The following SOAT1 variants were observed in gnomAD, a reference collection of about 807,000 sequenced individuals.
SOAT1 encodes sterol O-acyltransferase 1, also known as acyl-coenzyme A:cholesterol acyltransferase 1.
Under a neutral mutation model 69.5 loss-of-function variants are expected in SOAT1, and 55 were observed. That is an observed-to-expected ratio of 0.79 (90% CI 0.64 to 0.99). The LOEUF (loss-of-function observed/expected upper bound fraction) is 0.99, where lower values mean the gene tolerates loss of function less well. SOAT1 is among the 50% of genes least tolerant of loss of function. The probability of loss-of-function intolerance (pLI) is 0.00; values close to 1 mark genes in which losing one functional copy is unlikely to be tolerated. For missense variants in SOAT1, 580 were observed against 669.3 expected (o/e 0.87, Z 1.47); for synonymous variants, 231 against 224.7 (o/e 1.03, Z -0.25).
At chr1:179,342,754 A>G (rs1377724054) in intron 8 of SOAT1, 108 bp from the exon 9 acceptor site, 6 of 730,580 alleles carry the variant, frequency 8.2e-6, no homozygotes, top group South Asian at 1.8e-5. Flanking sequence ...ACATGAGCTG[A>G]TAAGTCATTT....
chr1:179,318,782 A>G (rs1227902974), intron 2 of SOAT1, among the ~76,000 whole-genome samples: 1 of 152,132 alleles, frequency 6.6e-6, no homozygotes, highest in Non-Finnish European at 1.5e-5. Flanking sequence ...ATATTATAGC[A>G]TGTATTAATA....
intron 12 of SOAT1, among the ~76,000 whole-genome samples, chr1:179,348,243 T>A (rs1000620361): frequency 6.6e-6 from 1 of 152,170 alleles, no homozygotes; most frequent in African/African-American, 2.4e-5. Flanking sequence ...TCTCTTTGAG[T>A]TGTTTTTGGC....
chr1:179,342,229 C>G (rs747251115), intron 8 of SOAT1, 37 bp downstream of exon 8: 2 of 1,348,948 alleles, frequency 1.5e-6, no homozygotes, highest in African/African-American at 2.9e-5. Context: ...TCTTCCTCCC[C>G]TCCCCTCCTC....
chr1:179,332,055 T>C (rs748401058), intron 3 of SOAT1, among the ~76,000 whole-genome samples: 1 of 152,186 alleles, frequency 6.6e-6, no homozygotes, highest in Non-Finnish European at 1.5e-5. Context: ...GTTTACTTTG[T>C]TTTTTTCTTT....
chr1:179,321,325 C>A (rs1010362017), intron 2 of SOAT1, among the ~76,000 whole-genome samples: 2 of 151,980 alleles, frequency 1.3e-5, no homozygotes, highest in African/African-American at 2.4e-5. Context: ...TTCTTTTGAA[C>A]CATTGTATTT....
rs143261487 is a variant in SOAT1 at position 179,335,605 on chromosome 1, G to T, written c.277G>T (p.Ala93Ser). 2.5e-6 allele frequency: 4 copies of T among 1,613,824 alleles called. No homozygotes were observed. Among genetic ancestry groups the T allele is most frequent in the Non-Finnish European group, 3.4e-6 (4 of 1,179,822 alleles). The change falls in exon 4 of 16, where the codon GCT becomes TCT. Residue 93 changes from alanine (A) to serine (S), a missense_variant. By Grantham distance (99) the Ala-to-Ser change is moderately conservative. Transcript: ENST00000367619. Reference sequence around the variant, plus strand: ...AGCATCATTAGATAATGGTGGGTGCGCTCTCACAACCTTTTCTGTTCTTGA... The same window carrying T: ...AGCATCATTAGATAATGGTGGGTGCTCTCTCACAACCTTTTCTGTTCTTGA... ...KSASLDNGGC[A>S]LTTFSVLEGE...
chr1:179,310,968 C>CT (rs940154338), intron 2 of SOAT1, among the ~76,000 whole-genome samples: 1 of 151,986 alleles, frequency 6.6e-6, no homozygotes, highest in Non-Finnish European at 1.5e-5. Flanking sequence ...TGCTGCATGA[C>CT]TAGGGGTCAG....
At chr1:179,325,204 C>T (rs1665742566) in intron 3 of SOAT1, among the ~76,000 whole-genome samples, 1 of 138,530 alleles carries the variant, frequency 7.2e-6, no homozygotes, top group East Asian at 2.2e-4. Context: ...GGCTGGAGTG[C>T]AGTGGCGCGA....
Position 179,343,631 on chromosome 1 carries a change from C to T in SOAT1, c.983C>T (p.Ala328Val). 1.2e-6 allele frequency: 2 copies of T among 1,610,074 alleles called. No individual in the cohort carries two copies. The highest frequency in any genetic ancestry group is 1.7e-6 in the Non-Finnish European group (2 of 1,177,306). ...VRWGYVAMKF[A>V]QVFGCFFYVY... ...TGGGGTTATGTCGCTATGAAGTTTG[C>T]ACAGGTAAGTTTTTGTAACTGCCTA... The change falls in exon 10 of 16, where the codon GCA (alanine) becomes GTA (valine). Residue 328 changes from alanine (A) to valine (V), a missense_variant. Ala to Val is a moderately conservative substitution (Grantham distance 64). Transcript: ENST00000367619.
chr1:179,340,738 A>G (rs1388637400), intron 6 of SOAT1, among the ~76,000 whole-genome samples: 3 of 151,946 alleles, frequency 2.0e-5, no homozygotes, highest in East Asian at 1.9e-4. Context: ...TCAAAGTCCA[A>G]TTATCTTAGA....
chr1:179,319,871 C>T (rs1372914072), intron 2 of SOAT1, among the ~76,000 whole-genome samples: 2 of 152,140 alleles, frequency 1.3e-5, no homozygotes, highest in African/African-American at 4.8e-5. Flanking sequence ...CCACCTTGGC[C>T]TCCCAAAGTG....
At chr1:179,332,544 C>T (rs1666005448) in intron 3 of SOAT1, among the ~76,000 whole-genome samples, 1 of 152,102 alleles carries the variant, frequency 6.6e-6, no homozygotes, top group Non-Finnish European at 1.5e-5. Context: ...TTAACTGCCT[C>T]CTCCCTTCTG....
rs1666211731 is a variant in SOAT1 at position 179,337,876 on chromosome 1, T to A, written c.369T>A (p.Ile123=). 1 of 1,610,100 alleles carries A rather than the reference T, an allele frequency of 6.2e-7. No homozygotes were observed. The highest frequency in any genetic ancestry group is 1.7e-5 in the Admixed American group (1 of 59,562). Residue 123 remains isoleucine (I), a synonymous_variant, in exon 5 of 16, where the codon ATT becomes ATA. Transcript: ENST00000367619. ...RAPPEQGKIF[I]ARRSLLDELL... ...CTCCAGAACAAGGAAAGATTTTTATTGCAAGGCGCTCTCTCTTAGAGTGAG... is the reference window on the plus strand; with the variant it reads ...CTCCAGAACAAGGAAAGATTTTTATAGCAAGGCGCTCTCTCTTAGAGTGAG...
chr1:179,295,318 C>A (rs2124925078), intron 1 of SOAT1, among the ~76,000 whole-genome samples: 1 of 152,292 alleles, frequency 6.6e-6, no homozygotes, highest in African/African-American at 2.4e-5. Context: ...ACTCTTATAC[C>A]TGCCTCAGAT....
intron 2 of SOAT1, among the ~76,000 whole-genome samples, chr1:179,313,442 C>T (rs1343377116): frequency 6.6e-6 from 1 of 151,766 alleles, no homozygotes; most frequent in Non-Finnish European, 1.5e-5. Flanking sequence ...TTTCTTTTTA[C>T]TTTTTAATGT....
rs753899804 is a variant in SOAT1 at position 179,344,967 on chromosome 1, T to G, written c.1008T>G (p.Tyr336Ter). The change falls in exon 11 of 16, where the codon TAT (tyrosine) becomes TAG (stop). Residue 336 changes from tyrosine to a stop codon, truncating the protein, a stop_gained. Transcript: ENST00000367619. LOFTEE classifies it high-confidence loss of function. ...KFAQVFGCFF[Y>*]VYYIFERLCA... ...TCCAGGTCTTTGGTTGCTTTTTCTA[T>G]GTGTACTACATCTTTGAAAGGCTTT... 19 of 1,614,034 alleles carry G rather than the reference T, an allele frequency of 1.2e-5. No individual in the cohort carries two copies. Among genetic ancestry groups the G allele is most frequent in the Non-Finnish European group, 1.6e-5 (19 of 1,179,988 alleles).
Position 179,339,730 on chromosome 1 carries a change from T to C in SOAT1, c.497+185T>C, listed in dbSNP as rs188466482. Reference sequence around the variant, plus strand: ...AGAAAATTAGAAGTTTCATTACTTTTATTTTTAAAATGGTTTATTTGAATA... The same window carrying C: ...AGAAAATTAGAAGTTTCATTACTTTCATTTTTAAAATGGTTTATTTGAATA... On this transcript the variant is annotated intron_variant, in intron 6 of 15. Coordinates refer to ENST00000367619, the MANE Select transcript of SOAT1 (RefSeq NM_003101.6). Among the ~76,000 whole-genome samples, 3 of 152,382 alleles carry C rather than the reference T, an allele frequency of 2.0e-5. No individual in the cohort carries two copies. In the East Asian group the frequency reaches 5.8e-4, roughly 29 times the overall value.
At chr1:179,320,841 T>G (rs886506550) in intron 2 of SOAT1, among the ~76,000 whole-genome samples, 1 of 152,114 alleles carries the variant, frequency 6.6e-6, no homozygotes, top group African/African-American at 2.4e-5. Context: ...GTTCAAGTGA[T>G]TGTTCTGCCA....
chr1:179,330,493 C>T (rs768901621), intron 3 of SOAT1, among the ~76,000 whole-genome samples: 1 of 152,162 alleles, frequency 6.6e-6, no homozygotes, highest in Non-Finnish European at 1.5e-5. Context: ...TCAGGTCCCT[C>T]CCATAATCCT....
Sources: allele counts gnomAD v4.1 joint callset (sites outside exome capture counted in the v4.1 genomes callset), GRCh38; gene constraint gnomAD v4.1.1; transcripts MANE v1.5; gene names NCBI Gene and HGNC (gene_info 2026-07-23, HGNC 2026-07-21).